CHST8: variants seen among roughly 807,000 people sequenced by gnomAD.
CHST8 encodes the protein GALNAC-4-ST1.
CHST8 carries 10 observed loss-of-function variants against 15.0 expected under a neutral mutation model. The observed-to-expected ratio is 0.67, with a 90% CI of 0.41 to 1.13. The LOEUF is 1.13. Ranked by LOEUF, CHST8 falls within the 50% of genes most tolerant of loss-of-function variation. The probability of loss-of-function intolerance (pLI) is 0.00; values close to 1 mark genes in which losing one functional copy is unlikely to be tolerated. For synonymous variants in CHST8, 259 were observed against 256.6 expected (o/e 1.01, Z -0.09); for missense variants, 634 against 608.2 (o/e 1.04, Z -0.45).
At chr19:33,738,253 A>G (rs1974121564) in intron 3 of CHST8, among the ~76,000 whole-genome samples, 1 of 152,116 alleles carries the variant, frequency 6.6e-6, no homozygotes, top group African/African-American at 2.4e-5. Context: ...GCCTGGAAAA[A>G]TTTTGCAGCA....
chr19:33,747,385 C>A (rs1052478898), intron 3 of CHST8, among the ~76,000 whole-genome samples: 5 of 152,170 alleles, frequency 3.3e-5, no homozygotes, highest in Non-Finnish European at 4.4e-5. Flanking sequence ...AGTTGGCCTG[C>A]AACCCATTCA....
intron 3 of CHST8, among the ~76,000 whole-genome samples, chr19:33,750,279 A>G (rs1974388330): frequency 6.6e-6 from 1 of 152,150 alleles, no homozygotes; most frequent in Non-Finnish European, 1.5e-5. Context: ...GGCTGAGTTC[A>G]ACTGCTCCAG....
chr19:33,660,990 TG>T, intron 1 of CHST8, among the ~76,000 whole-genome samples: 1 of 152,284 alleles, frequency 6.6e-6, no homozygotes, highest in Middle Eastern at 3.4e-3. Context: ...CCTGTGTGTT[TG>T]GTGGCCTGGG....
chr19:33,684,323 TC>T (rs11290850), intron 2 of CHST8, among the ~76,000 whole-genome samples: 24,955 of 152,118 alleles, frequency 0.16, 2,392 homozygotes, highest in Admixed American at 0.25. Context: ...TAAATTGCCT[TC>T]CCCGGGAGTA....
chr19:33,624,216 C>T (rs911765962), intron 1 of CHST8, among the ~76,000 whole-genome samples: 1 of 152,190 alleles, frequency 6.6e-6, no homozygotes, highest in Admixed American at 6.5e-5. Flanking sequence ...AATTATTTAT[C>T]GAGAGGCATC....
chr19:33,694,897 A>G (rs1973181069), intron 3 of CHST8, among the ~76,000 whole-genome samples: 1 of 151,794 alleles, frequency 6.6e-6, no homozygotes, highest in African/African-American at 2.4e-5. Flanking sequence ...GTTCTAATGC[A>G]TATAATTTCC....
intron 3 of CHST8, among the ~76,000 whole-genome samples, chr19:33,726,383 A>G (rs1973899216): frequency 6.6e-6 from 1 of 152,118 alleles, no homozygotes; most frequent in African/African-American, 2.4e-5. Context: ...CAATATAGCG[A>G]GACCCCGTTT....
rs1242003591 is a variant in CHST8 at position 33,760,272 on chromosome 19, T to TCCCTCTC, written c.131-11141_131-11140insCCCTCTC. On this transcript the variant is annotated intron_variant, in intron 3 of 4. Transcript: ENST00000650847. ...GGCCAGCCATCATGGTTGCCCTTCC[T>TCCCTCTC]TCCTTCCCTCCTTCCTTCCCTCCCT... Among the ~76,000 whole-genome samples, 373 of 65,462 alleles carry TCCCTCTC rather than the reference T, an allele frequency of 5.7e-3. 151 individuals are homozygous for TCCCTCTC. The highest frequency in any genetic ancestry group is 0.015 in the African/African-American group (244 of 16,332). 42.9% of individuals were successfully genotyped at this position (65,462 alleles called of 152,430 possible). A position where few individuals can be genotyped will look rare whatever the true frequency, so the allele number is the denominator to read the frequency against.
At chr19:33,740,579 C>G (rs1017926106) in intron 3 of CHST8, among the ~76,000 whole-genome samples, 1 of 152,208 alleles carries the variant, frequency 6.6e-6, no homozygotes, top group Non-Finnish European at 1.5e-5. Flanking sequence ...TGTCATACCA[C>G]TGTGTTGAAA....
chr19:33,773,073 C>T lies in CHST8; in HGVS notation c.*10C>T. Reference sequence around the variant, plus strand: ...TGCAGATCTGTACTGAGGGGCGCCGCAGCTGGCCGGGGCCGCCCTGCCCCG... The same window carrying T: ...TGCAGATCTGTACTGAGGGGCGCCGTAGCTGGCCGGGGCCGCCCTGCCCCG... On this transcript the variant is annotated 3_prime_UTR_variant, in exon 5 of 5. Coordinates refer to ENST00000650847, the MANE Select transcript of CHST8 (RefSeq NM_001127895.2). 3 of 1,579,616 alleles carry T rather than the reference C, an allele frequency of 1.9e-6. No homozygotes were observed. Among genetic ancestry groups the T allele is most frequent in the African/African-American group, 1.3e-5 (1 of 74,676 alleles).
At chr19:33,724,489 G>T (rs540719600) in intron 3 of CHST8, among the ~76,000 whole-genome samples, 8 of 152,208 alleles carry the variant, frequency 5.3e-5, no homozygotes, top group African/African-American at 1.9e-4. Context: ...GCTGGCAGCC[G>T]GGCTGCTCTT....
intron 3 of CHST8, among the ~76,000 whole-genome samples, chr19:33,706,161 T>C (rs1973441659): frequency 6.6e-6 from 1 of 152,158 alleles, no homozygotes; most frequent in African/African-American, 2.4e-5. Flanking sequence ...CACTCAGGGC[T>C]GGGAGCAAGC....
chr19:33,652,502 A>T (rs572643757), intron 1 of CHST8, among the ~76,000 whole-genome samples: 8 of 149,720 alleles, frequency 5.3e-5, no homozygotes, highest in African/African-American at 2.0e-4. Flanking sequence ...CAGCTTCCTG[A>T]GTAGCTGGGA....
chr19:33,648,902 C>CTTTTTTTTTTTTTTTTTT (rs376386370), intron 1 of CHST8, among the ~76,000 whole-genome samples: 2 of 100,002 alleles, frequency 2.0e-5, no homozygotes, highest in African/African-American at 8.1e-5. Flanking sequence ...GAATGAAGCA[C>CTTTTTTTTTTTTTTTTTT]TTTTTTTTTT....
At chr19:33,723,040 C>T (rs1973830181) in intron 3 of CHST8, among the ~76,000 whole-genome samples, 1 of 152,238 alleles carries the variant, frequency 6.6e-6, no homozygotes, top group African/African-American at 2.4e-5. Context: ...TGCTCCACTT[C>T]CTGCAGAGCC....
chr19:33,657,180 C>T (rs1290834175), intron 1 of CHST8, among the ~76,000 whole-genome samples: 1 of 150,852 alleles, frequency 6.6e-6, no homozygotes, highest in Non-Finnish European at 1.5e-5. Flanking sequence ...CTTATACACA[C>T]ATACACATAC....
At chr19:33,688,479 A>T (rs1209936012) in intron 2 of CHST8, among the ~76,000 whole-genome samples, 3 of 151,826 alleles carry the variant, frequency 2.0e-5, no homozygotes, top group Non-Finnish European at 4.4e-5. Context: ...CCCCACCTCC[A>T]CTCCAGGCAA....
intron 2 of CHST8, among the ~76,000 whole-genome samples, chr19:33,678,010 CAG>C (rs1485163393): frequency 2.0e-5 from 3 of 152,208 alleles, no homozygotes; most frequent in African/African-American, 7.2e-5. Flanking sequence ...GGTGCTGAAT[CAG>C]AGCCGCACCG....
intron 3 of CHST8, among the ~76,000 whole-genome samples, chr19:33,717,795 T>C (rs980368851): frequency 2.0e-5 from 3 of 152,196 alleles, no homozygotes; most frequent in African/African-American, 7.2e-5. Flanking sequence ...ACCCTGTTTT[T>C]CAGGGTGTCA....
Sources: allele counts gnomAD v4.1 joint callset (sites outside exome capture counted in the v4.1 genomes callset), GRCh38; gene constraint gnomAD v4.1.1; transcripts MANE v1.5; gene names NCBI Gene and HGNC (gene_info 2026-07-23, HGNC 2026-07-21).